The following RBM15 variants were observed in gnomAD, a reference collection of about 807,000 sequenced individuals.
RBM15 encodes the protein RNA binding motif protein 15.
RBM15 carries 8 observed loss-of-function variants against 62.6 expected under a neutral mutation model. The ratio of observed to expected loss-of-function variants is 0.13; its 90% CI spans 0.07 to 0.23. RBM15 has a LOEUF of 0.23. Among genes scored for constraint, RBM15 ranks in the 10% least tolerant of loss-of-function variants. The probability of loss-of-function intolerance (pLI) is 1.00; values close to 1 mark genes in which losing one functional copy is unlikely to be tolerated. For synonymous variants in RBM15, 606 were observed against 505.7 expected, an observed-to-expected ratio of 1.20 and a Z score of -2.66; for missense variants, 1,144 against 1,286.5, an observed-to-expected ratio of 0.89 and a Z score of 1.69.
rs935011077 is a variant in RBM15, at chr1:110,346,510, A to G, written c.*243A>G. On this transcript the variant is annotated 3_prime_UTR_variant, in exon 3 of 3. Transcript: ENST00000369784. Reference sequence around the variant, plus strand: ...ATGCCAATGCCGGTGTTTTAAGTGGAAAAAAAATGACCTCTTTGATTTGTG... The same window carrying G: ...ATGCCAATGCCGGTGTTTTAAGTGGGAAAAAAATGACCTCTTTGATTTGTG... 4.3e-6 allele frequency: 3 copies of G among 698,730 alleles called. No individual in the cohort carries two copies. Among genetic ancestry groups the G allele is most frequent in the Middle Eastern group, 3.5e-4 (1 of 2,882 alleles). 43.3% of individuals were successfully genotyped at this position (698,730 alleles called of 1,614,324 possible). A position where few individuals can be genotyped will look rare whatever the true frequency, so the allele number is the denominator to read the frequency against.
In RBM15 at chr1:110,341,805, T is replaced by C. The variant is rs1265015397; in HGVS notation, c.2400T>C (p.Pro800=). 1 of 1,614,208 alleles carries C rather than the reference T, an allele frequency of 6.2e-7. No homozygotes were observed. Among genetic ancestry groups the C allele is most frequent in the Non-Finnish European group, 8.5e-7 (1 of 1,180,040 alleles). The part of the protein sequence containing the change: ...GMLLLKNSNF[P]SNMHLLQGDL... ...TTCTACTGAAGAACAGCAACTTTCC[T>C]TCCAACATGCATCTGTTGCAGGGTG... Residue 800 remains proline, a synonymous_variant, in exon 1 of 3, where the codon CCT becomes CCC. Transcript: ENST00000369784. This position sits in a 1 kb window ranked among gnomAD's most constrained non-coding sequence, Gnocchi z 4.5.
chr1:110,346,189 A>G, intron 2 of RBM15, 119 bp from the exon 3 acceptor site: 4 of 985,620 alleles, frequency 4.1e-6, no homozygotes, highest in Non-Finnish European at 6.1e-6. Context: ...GTTGAGGTGA[A>G]CCATCCAGGA....
At position 110,345,540 on chromosome 1, in the gene RBM15, G is replaced by C. The variant is rs1171412496; in HGVS notation, c.2865G>C (p.Gly955=). ...TTTTTTTTTCTGTCTCTCTCACAGG[G>C]TTTGGTTTTCAGATAGGAGTTAGGT... is the stretch of plus-strand genomic sequence containing the variant. The part of the protein sequence containing the change: ...EDYLVMIIVR[G]FGFQIGVRYE... The change falls in exon 2 of 3, where the codon GGG becomes GGC. Residue 955 remains glycine, a splice_region_variant and synonymous_variant. Coordinates refer to ENST00000369784, the MANE Select transcript of RBM15 (RefSeq NM_022768.5). 6.2e-7 allele frequency: 1 copy of C among 1,605,882 alleles called. No homozygotes were observed. Among genetic ancestry groups the C allele is most frequent in the African/African-American group, 1.3e-5 (1 of 74,598 alleles).
In RBM15 at chr1:110,341,729, C is replaced by T; in HGVS notation, c.2324C>T (p.Ala775Val). ...TCCCAGAAACAGGATGGGGGGACAG[C>T]CCCTGTGGCATCAGCCTCTCCCAAA... ...SPSQKQDGGT[A>V]PVASASPKLC... The change falls in exon 1 of 3, where the codon GCC (alanine) becomes GTC (valine). Residue 775 changes from alanine (A) to valine (V), a missense_variant. Coordinates refer to ENST00000369784, the MANE Select transcript of RBM15 (RefSeq NM_022768.5). This position sits in a 1 kb window ranked among gnomAD's most constrained non-coding sequence, Gnocchi z 4.5. 6.2e-7 allele frequency: 1 copy of T among 1,614,178 alleles called. No individual in the cohort carries two copies. Among genetic ancestry groups the T allele is most frequent in the Non-Finnish European group, 8.5e-7 (1 of 1,180,038 alleles).
chr1:110,340,131 C>T lies in RBM15; in HGVS notation c.726C>T (p.Asp242=), dbSNP rs747211956. The change falls in exon 1 of 3, where the codon GAC becomes GAT. Residue 242 remains aspartate, a synonymous_variant. Transcript: ENST00000369784. The surrounding 1 kb of genome is among the most constrained non-coding windows in gnomAD (Gnocchi z 5.8). ...KHARGRLVLY[D]RPLKIEAVYV... is the part of the protein sequence containing the mutation. The stretch of plus-strand genomic sequence containing the variant: ...CCAGAGGCCGCCTGGTGCTCTATGA[C>T]CGGCCTCTGAAGATAGAAGCTGTGT... 8 of 1,613,706 alleles carry T rather than the reference C, an allele frequency of 5.0e-6. No homozygotes were observed. The highest frequency in any genetic ancestry group is 2.7e-5 in the African/African-American group (2 of 74,932).
Position 110,341,952 on chromosome 1 carries a change from C to T in RBM15, c.2547C>T (p.Ile849=). ...AGTTGGATGAAGTAACTCGACGCAT[C>T]AAAGTAGCAGGGCCCAATGGTTATG... is the stretch of plus-strand genomic sequence containing the variant. The part of the protein sequence containing the change: ...QPKLDEVTRR[I]KVAGPNGYAI... Residue 849 remains isoleucine (I), a synonymous_variant, in exon 1 of 3, where the codon ATC becomes ATT. Transcript: ENST00000369784. This position sits in a 1 kb window ranked among gnomAD's most constrained non-coding sequence, Gnocchi z 4.5. 6.2e-7 allele frequency: 1 copy of T among 1,614,238 alleles called. No homozygotes were observed. Among genetic ancestry groups the T allele is most frequent in the Non-Finnish European group, 8.5e-7 (1 of 1,180,034 alleles).
chr1:110,342,039 A>T lies in RBM15; in HGVS notation c.2634A>T (p.Ser878=). The T allele has an allele frequency of 1.2e-6, 2 of 1,614,264 alleles. No individual in the cohort carries two copies. Among genetic ancestry groups the T allele is most frequent in the Non-Finnish European group, 1.7e-6 (2 of 1,180,054 alleles). The change falls in exon 1 of 3, where the codon TCA becomes TCT. Residue 878 remains serine (S), a synonymous_variant. Transcript: ENST00000369784. ...DSRSSSSSAA[S]DTATSTQRPL... is the part of the protein sequence containing the mutation. ...GGTCCTCCTCTTCCTCAGCTGCATC[A>T]GACACTGCCACTTCTACTCAGAGGC...
chr1:110,346,068 A>C (rs1660892104), intron 2 of RBM15, among the ~76,000 whole-genome samples: 1 of 152,024 alleles, frequency 6.6e-6, no homozygotes, highest in Non-Finnish European at 1.5e-5. Context: ...TGTTATCTTC[A>C]ATTGCAGTCT....
At chr1:110,343,215 ATCT>A (rs1467343917) in intron 1 of RBM15, among the ~76,000 whole-genome samples, 1 of 152,200 alleles carries the variant, frequency 6.6e-6, no homozygotes, top group Admixed American at 6.5e-5. Context: ...GCTCATAGTC[ATCT>A]TTTATTTCAG....
At chr1:110,343,666 C>T (rs2100940244) in intron 1 of RBM15, among the ~76,000 whole-genome samples, 1 of 151,928 alleles carries the variant, frequency 6.6e-6, no homozygotes, top group Non-Finnish European at 1.5e-5. Context: ...ATTTTTCTCC[C>T]TTGATTTAAG....
chr1:110,343,584 C>T (rs570386260), intron 1 of RBM15, among the ~76,000 whole-genome samples: 89 of 150,668 alleles, frequency 5.9e-4, no homozygotes, highest in African/African-American at 2.1e-3. Context: ...TGCTGCTTAA[C>T]AGTAATGGAT....
rs569177969 is a variant in RBM15 at position 110,339,794 on chromosome 1, G to C, written c.389G>C (p.Ser130Thr). 7 of 1,602,956 alleles carry C rather than the reference G, an allele frequency of 4.4e-6. No homozygotes were observed. The change falls in exon 1 of 3, where the codon AGC (serine) becomes ACC (threonine). Residue 130 changes from serine to threonine, a missense_variant. Ser to Thr is a moderately conservative substitution (Grantham distance 58). Coordinates refer to ENST00000369784, the MANE Select transcript of RBM15 (RefSeq NM_022768.5). ...SSRLHSYSSPSTKNSSGGGES... is the reference protein window; with the variant it reads ...SSRLHSYSSPTTKNSSGGGES... The stretch of plus-strand genomic sequence containing the variant: ...CGCTTGCATAGTTATAGCTCCCCGA[G>C]CACCAAAAATTCTTCGGGCGGGGGC...
Position 110,339,486 on chromosome 1 carries a change from G to A in RBM15, c.81G>A (p.Ala27=). ...RRAVPLCETS[A]GRRVTQLRGD... The stretch of plus-strand genomic sequence containing the variant: ...CGGTTCCGCTGTGTGAAACGAGCGC[G>A]GGGCGGCGGGTTACTCAGCTCCGCG... The change falls in exon 1 of 3, where the codon GCG becomes GCA. Residue 27 remains alanine, a synonymous_variant. Transcript: ENST00000369784. 6.3e-7 allele frequency: 1 copy of A among 1,575,556 alleles called. No homozygotes were observed. Among genetic ancestry groups the A allele is most frequent in the Non-Finnish European group, 8.6e-7 (1 of 1,157,270 alleles).
chr1:110,342,485 G>A, intron 1 of RBM15: 1 of 424,652 alleles, frequency 2.4e-6, no homozygotes, highest in South Asian at 9.0e-5. Flanking sequence ...TGAAAGGGAT[G>A]CCCTAAAGGT....
intron 1 of RBM15, 128 bp from the exon 2 acceptor site, chr1:110,345,411 A>G: frequency 1.4e-6 from 1 of 734,180 alleles, no homozygotes; most frequent in Non-Finnish European, 2.5e-6. Flanking sequence ...TCCATATAGG[A>G]ACCAATCACC....
Position 110,341,689 on chromosome 1 carries a change from A to C in RBM15, c.2284A>C (p.Lys762Gln). 6.2e-7 allele frequency: 1 copy of C among 1,614,144 alleles called. No homozygotes were observed. The highest frequency in any genetic ancestry group is 8.5e-7 in the Non-Finnish European group (1 of 1,180,020). ...ACCTAGCACCAGCACTGCTTCCTCC[A>C]AGCTGAAGTCCCCGTCCCAGAAACA... is the stretch of plus-strand genomic sequence containing the variant. ...SAPSTSTASS[K>Q]LKSPSQKQDG... The change falls in exon 1 of 3, where the codon AAG becomes CAG. Residue 762 changes from lysine (K) to glutamine (Q), a missense_variant. By Grantham distance (53) the Lys-to-Gln change is moderately conservative (BLOSUM62 1). Coordinates refer to ENST00000369784, the MANE Select transcript of RBM15 (RefSeq NM_022768.5). The surrounding 1 kb of genome is among the most constrained non-coding windows in gnomAD (Gnocchi z 4.5).
In RBM15 at chr1:110,341,894, A is replaced by G. The variant is rs1351313411; in HGVS notation, c.2489A>G (p.Lys830Arg). Residue 830 changes from lysine to arginine, a missense_variant, in exon 1 of 3, where the codon AAG (lysine) becomes AGG (arginine). Physicochemically the swap from Lys to Arg is conservative, Grantham distance 26 (BLOSUM62 2). Coordinates refer to ENST00000369784, the MANE Select transcript of RBM15 (RefSeq NM_022768.5). This position sits in a 1 kb window ranked among gnomAD's most constrained non-coding sequence, Gnocchi z 4.5. ...GSTGGKVAQL[K>R]ITQRLRLDQP... ...ACTGGAGGCAAAGTGGCCCAGCTCA[A>G]GATCACTCAGCGTCTCCGTTTGGAC... 5 of 1,614,234 alleles carry G rather than the reference A, an allele frequency of 3.1e-6. No individual in the cohort carries two copies. Among genetic ancestry groups the G allele is most frequent in the Middle Eastern group, 1.6e-4 (1 of 6,062 alleles).
At chr1:110,345,750 A>G (rs778737635) in intron 2 of RBM15, 101 bp downstream of exon 2, 6 of 711,432 alleles carry the variant, frequency 8.4e-6, no homozygotes, top group Non-Finnish European at 1.4e-5. Flanking sequence ...GCTGTTTAAC[A>G]ATTATTTGTA....
chr1:110,341,202 G>A lies in RBM15; in HGVS notation c.1797G>A (p.Arg599=), dbSNP rs1340396923. 1 of 1,614,084 alleles carries A rather than the reference G, an allele frequency of 6.2e-7. No homozygotes were observed. The highest frequency in any genetic ancestry group is 1.7e-5 in the Admixed American group (1 of 60,010). ...PPPPVRERST[R]TAATSVPAYE... ...CCCCAGTCCGAGAACGCAGCACTCG[G>A]ACTGCAGCTACTTCTGTGCCTGCTT... The change falls in exon 1 of 3, where the codon CGG becomes CGA. Residue 599 remains arginine (R), a synonymous_variant. Coordinates refer to ENST00000369784, the MANE Select transcript of RBM15 (RefSeq NM_022768.5). This position sits in a 1 kb window ranked among gnomAD's most constrained non-coding sequence, Gnocchi z 4.5.
Sources: allele counts gnomAD v4.1 joint callset (sites outside exome capture counted in the v4.1 genomes callset), GRCh38; gene constraint gnomAD v4.1.1; non-coding constraint Gnocchi (gnomAD v3.1); transcripts MANE v1.5; gene names NCBI Gene and HGNC (gene_info 2026-07-23, HGNC 2026-07-21).